Variants in INTS4 observed in about 807,000 individuals in gnomAD.
INTS4 encodes the protein integrator complex subunit 4.
In INTS4, 70 loss-of-function variants were observed where a neutral mutation model predicts 119.5. That is an observed-to-expected ratio of 0.59 (90% CI 0.48 to 0.71). INTS4 has a LOEUF of 0.71. INTS4 is among the 30% of genes least tolerant of loss of function. The pLI is 0.00. For synonymous variants in INTS4, 316 were observed against 419.6 expected, an observed-to-expected ratio of 0.75 and a Z score of 3.02; for missense variants, 867 against 1,173.2, an observed-to-expected ratio of 0.74 and a Z score of 3.81.
chr11:77,958,506 G>C (rs1165341899), intron 7 of INTS4, among the ~76,000 whole-genome samples: 1 of 152,168 alleles, frequency 6.6e-6, no homozygotes, highest in Non-Finnish European at 1.5e-5. Context: ...TTCACTTATG[G>C]ATGAGAAGGT....
chr11:77,993,766 T>G (rs191969322), intron 1 of INTS4, among the ~76,000 whole-genome samples: 12 of 152,230 alleles, frequency 7.9e-5, no homozygotes, highest in Non-Finnish European at 1.3e-4. Context: ...ATGCAACCAA[T>G]GCACTGGTGT....
intron 14 of INTS4, among the ~76,000 whole-genome samples, chr11:77,920,999 A>G (rs552792332): frequency 3.3e-5 from 5 of 152,086 alleles, no homozygotes; most frequent in African/African-American, 9.6e-5. Flanking sequence ...GAATCATCTT[A>G]AAAGGTAAAG....
At chr11:77,914,281 T>A (rs1273252817) in intron 15 of INTS4, among the ~76,000 whole-genome samples, 2 of 152,124 alleles carry the variant, frequency 1.3e-5, no homozygotes, top group Non-Finnish European at 2.9e-5. Context: ...TGAAGGCGAG[T>A]ACCTTCTAAG....
intron 15 of INTS4, among the ~76,000 whole-genome samples, chr11:77,917,506 G>A (rs933876362): frequency 2.0e-5 from 3 of 151,494 alleles, no homozygotes; most frequent in African/African-American, 7.3e-5. Flanking sequence ...TAGAGATGGG[G>A]TTTCACTCAA....
intron 8 of INTS4, among the ~76,000 whole-genome samples, chr11:77,955,228 T>C (rs1321130961): frequency 6.6e-6 from 1 of 152,126 alleles, no homozygotes; most frequent in Non-Finnish European, 1.5e-5. Flanking sequence ...TCCCAGCTAC[T>C]CAGGAGGCTG....
chr11:77,960,552 T>C (rs1187888144), intron 5 of INTS4, among the ~76,000 whole-genome samples, 161 bp from the exon 6 acceptor site: 1 of 152,072 alleles, frequency 6.6e-6, no homozygotes, highest in Non-Finnish European at 1.5e-5. Context: ...CGTCTTTCAA[T>C]AGGAGCATTC....
chr11:77,884,071 G>T, intron 21 of INTS4, 119 bp from the exon 22 acceptor site: 1 of 1,023,696 alleles, frequency 9.8e-7, no homozygotes, highest in Non-Finnish European at 1.4e-6. Context: ...ACTTTACTAA[G>T]ATTGAGCCTT....
chr11:77,894,125 A>C (rs1952404997), intron 19 of INTS4, among the ~76,000 whole-genome samples, 165 bp downstream of exon 19: 1 of 152,136 alleles, frequency 6.6e-6, no homozygotes, highest in Non-Finnish European at 1.5e-5. Context: ...AAACCAAATT[A>C]GGTTCTTTTT....
intron 22 of INTS4, among the ~76,000 whole-genome samples, chr11:77,881,060 A>G (rs1426493349): frequency 6.6e-6 from 1 of 152,240 alleles, no homozygotes; most frequent in Non-Finnish European, 1.5e-5. Flanking sequence ...TGGCAATTCA[A>G]GGCAATGCCA....
intron 14 of INTS4, among the ~76,000 whole-genome samples, chr11:77,919,401 C>T (rs1227052800): frequency 6.6e-6 from 1 of 152,086 alleles, no homozygotes; most frequent in Non-Finnish European, 1.5e-5. Flanking sequence ...ATTCTCTTGC[C>T]TCAGCCTCCT....
intron 21 of INTS4, among the ~76,000 whole-genome samples, chr11:77,888,592 AG>A (rs1199870305): frequency 1.3e-5 from 2 of 152,236 alleles, no homozygotes; most frequent in African/African-American, 4.8e-5. Flanking sequence ...ATTAAACTAA[AG>A]AGCTTCTGCA....
chr11:77,893,891 T>TAAATAAATAAA (rs1223751680), intron 19 of INTS4, among the ~76,000 whole-genome samples: 6 of 137,868 alleles, frequency 4.4e-5, no homozygotes, highest in African/African-American at 8.1e-5. Flanking sequence ...AGACTCTGTC[T>TAAATAAATAAA]TAAATAAATA....
rs867246952 is a variant in INTS4 at position 77,888,640 on chromosome 11, A to C, written c.2592+2679T>G. 8.2e-3 allele frequency among the ~76,000 whole-genome samples: 1,251 copies of C among 151,788 alleles called. 18 individuals carry two copies. Among genetic ancestry groups the C allele is most frequent in the African/African-American group, 0.027 (1,112 of 41,078 alleles). ...ACTACCATCAGAGTGAACAGGCAAC[A>C]TACAAAATGGGAGAAAATTTTCGTA... On this transcript the variant is annotated intron_variant, in intron 21 of 22. Transcript: ENST00000534064.
In INTS4 at chr11:77,951,575, G is replaced by A. The variant is rs1954197042; in HGVS notation, c.918+4367C>T. 2.0e-5 allele frequency among the ~76,000 whole-genome samples: 3 copies of A among 152,282 alleles called. No homozygotes were observed. In the South Asian group the frequency reaches 6.2e-4, roughly 32 times the overall value. On this transcript the variant is annotated intron_variant, in intron 8 of 22. Coordinates refer to ENST00000534064, the MANE Select transcript of INTS4 (RefSeq NM_033547.4). ...CATAAAAATCCTAGAAGAAAACCTA[G>A]GCAATACCATTCAGGACCCAGGCAT...
intron 10 of INTS4, among the ~76,000 whole-genome samples, chr11:77,931,510 G>A (rs1953648482): frequency 6.6e-6 from 1 of 152,072 alleles, no homozygotes; most frequent in Non-Finnish European, 1.5e-5. Flanking sequence ...AAATCCTTGA[G>A]GAGATGGATA....
rs11370501 is a variant in INTS4, at chr11:77,961,143, TAA to T, written c.472-7_472-6del. ...ATGAGACGTATCTGTCAGATGCTATTAAAAAAAAAAAAAAAAAGAAAAAAAGA... is the reference window on the plus strand; with the variant it reads ...ATGAGACGTATCTGTCAGATGCTATTAAAAAAAAAAAAAAAGAAAAAAAGA... On this transcript the variant is annotated splice_region_variant and splice_polypyrimidine_tract_variant and intron_variant, in intron 4 of 22. Transcript: ENST00000534064. 2,551 of 1,205,682 alleles carry T rather than the reference TAA, an allele frequency of 2.1e-3. No individual in the cohort carries two copies. The highest frequency in any genetic ancestry group is 8.6e-3 in the South Asian group (306 of 35,772). 74.7% of individuals were successfully genotyped at this position (1,205,682 alleles called of 1,614,324 possible).
intron 2 of INTS4, among the ~76,000 whole-genome samples, chr11:77,985,673 C>T (rs1314430283): frequency 6.6e-6 from 1 of 152,178 alleles, no homozygotes; most frequent in Non-Finnish European, 1.5e-5. Flanking sequence ...CTATTACCAA[C>T]ATGAAGCACA....
intron 4 of INTS4, among the ~76,000 whole-genome samples, chr11:77,967,107 C>T (rs946662770): frequency 3.9e-5 from 6 of 152,054 alleles, no homozygotes; most frequent in African/African-American, 1.4e-4. Flanking sequence ...TATTAAGCAT[C>T]TTTTCATATT....
rs199995696 is a variant in INTS4, at chr11:77,907,718, T to C, written c.2015A>G (p.Lys672Arg). 2 of 1,611,652 alleles carry C rather than the reference T, an allele frequency of 1.2e-6. No homozygotes were observed. Among genetic ancestry groups the C allele is most frequent in the African/African-American group, 2.7e-5 (2 of 74,970 alleles). The change falls in exon 16 of 23, where the codon AAG (lysine) becomes AGG (arginine). Residue 672 changes from lysine (K) to arginine (R), a missense_variant and splice_region_variant. Coordinates refer to ENST00000534064, the MANE Select transcript of INTS4 (RefSeq NM_033547.4). ...TAAATGGAATGGATGCAAACCAACCTTGATGAGAAGTAGTTGACAGCGAAG... is the reference window on the plus strand; with the variant it reads ...TAAATGGAATGGATGCAAACCAACCCTGATGAGAAGTAGTTGACAGCGAAG... The part of the protein sequence containing the change: ...TYLRCQLLLI[K>R]ALQEKLWNVA...
Sources: allele counts gnomAD v4.1 joint callset (sites outside exome capture counted in the v4.1 genomes callset), GRCh38; gene constraint gnomAD v4.1.1; transcripts MANE v1.5; gene names NCBI Gene and HGNC (gene_info 2026-07-23, HGNC 2026-07-21).